Variants in CTNNA3 observed in about 807,000 individuals in gnomAD.
CTNNA3 encodes the protein catenin alpha-3.
In CTNNA3, 76 loss-of-function variants were observed where a neutral mutation model predicts 95.7. The ratio of observed to expected loss-of-function variants is 0.79; its 90% confidence interval spans 0.66 to 0.96. The LOEUF (loss-of-function observed/expected upper bound fraction) is 0.96. CTNNA3 is among the 40% of genes least tolerant of loss of function. CTNNA3 has a pLI of 0.00. For synonymous variants in CTNNA3, 431 were observed against 374.4 expected, an observed-to-expected ratio of 1.15 and a Z score of -1.74; for missense variants, 1,191 against 1,089.8, an observed-to-expected ratio of 1.09 and a Z score of -1.31.
intron 7 of CTNNA3, among the ~76,000 whole-genome samples, chr10:67,170,810 A>G (rs1861987159): frequency 6.6e-6 from 1 of 152,190 alleles, no homozygotes; most frequent in Non-Finnish European, 1.5e-5. Flanking sequence ...GGAGAAGGCA[A>G]TTCTGCATAG....
intron 5 of CTNNA3, among the ~76,000 whole-genome samples, chr10:67,461,989 T>C (rs1424256993): frequency 3.3e-5 from 5 of 152,232 alleles, no homozygotes; most frequent in African/African-American, 1.2e-4. Context: ...GCTACTTATG[T>C]TTGCATTAGC....
intron 17 of CTNNA3, among the ~76,000 whole-genome samples, chr10:65,952,029 CAAAAAAA>C (rs55842958): frequency 4.0e-5 from 4 of 99,738 alleles, no homozygotes; most frequent in Non-Finnish European, 8.0e-5. Flanking sequence ...GGCTCCGCCT[CAAAAAAA>C]AAAAAAAAAA....
intron 7 of CTNNA3, among the ~76,000 whole-genome samples, chr10:66,823,399 T>A (rs1057198152): frequency 7.2e-5 from 11 of 152,162 alleles, no homozygotes; most frequent in African/African-American, 1.2e-4. Flanking sequence ...TAAAAAAAAA[T>A]TTCTTAAACA....
intron 13 of CTNNA3, among the ~76,000 whole-genome samples, chr10:66,166,018 G>C (rs577414737): frequency 1.3e-5 from 2 of 151,728 alleles, no homozygotes; most frequent in Non-Finnish European, 2.9e-5. Context: ...CATCCTCTTC[G>C]GCCTCCCAAA....
At chr10:66,464,779 C>A (rs865977175) in intron 11 of CTNNA3, among the ~76,000 whole-genome samples, 1,731 of 146,488 alleles carry the variant, frequency 0.012, 38 homozygotes, top group African/African-American at 0.042. Flanking sequence ...AAAAAAAAAA[C>A]AAAAACACCT....
At position 66,421,897 on chromosome 10, in the gene CTNNA3, G is replaced by GATATATATATATATATAT. The variant is rs35513829; in HGVS notation, c.1532-42563_1532-42546dup. Among the ~76,000 whole-genome samples, 361 of 108,054 alleles carry GATATATATATATATATAT rather than the reference G, an allele frequency of 3.3e-3. 6 individuals carry two copies. Among genetic ancestry groups the GATATATATATATATATAT allele is most frequent in the African/African-American group, 0.012 (335 of 28,608 alleles). The allele number at this position is 108,054 out of a possible 152,430, so 70.9% of individuals were successfully genotyped here. On this transcript the variant is annotated intron_variant, in intron 11 of 17. Transcript: ENST00000433211. ...TTTCTAAGAGCTTCATAATAAATGT[G>GATATATATATATATATAT]ATATATATATATATATATACACACA... is the stretch of plus-strand genomic sequence containing the variant.
intron 11 of CTNNA3, among the ~76,000 whole-genome samples, chr10:66,499,989 GAT>G (rs912947352): frequency 2.6e-5 from 4 of 151,910 alleles, no homozygotes; most frequent in African/African-American, 7.3e-5. Flanking sequence ...TTTTAGTAGA[GAT>G]GGGGTTTCAC....
At chr10:66,372,339 G>T (rs1441354712) in intron 12 of CTNNA3, among the ~76,000 whole-genome samples, 3 of 152,144 alleles carry the variant, frequency 2.0e-5, no homozygotes, top group Admixed American at 6.6e-5. Flanking sequence ...AATGAAAGAT[G>T]TGACCTCTTT....
At chr10:66,618,105 A>G (rs2132305879) in intron 10 of CTNNA3, among the ~76,000 whole-genome samples, 1 of 152,316 alleles carries the variant, frequency 6.6e-6, no homozygotes, top group South Asian at 2.1e-4. Flanking sequence ...ATGGATAGGA[A>G]GAATCAATAT....
chr10:66,607,009 T>C (rs1564564731), intron 10 of CTNNA3, among the ~76,000 whole-genome samples: 1 of 151,588 alleles, frequency 6.6e-6, no homozygotes, highest in Non-Finnish European at 1.5e-5. Context: ...TTTGAAAAAA[T>C]TAATAAGTTA....
chr10:67,191,596 T>C (rs1169300968), intron 6 of CTNNA3, among the ~76,000 whole-genome samples: 1 of 151,842 alleles, frequency 6.6e-6, no homozygotes, highest in African/African-American at 2.4e-5. Context: ...ATGAAAAAAA[T>C]TGAAGACACA....
intron 11 of CTNNA3, among the ~76,000 whole-genome samples, chr10:66,519,068 A>C (rs1006657044): frequency 6.6e-6 from 1 of 152,120 alleles, no homozygotes; most frequent in African/African-American, 2.4e-5. Flanking sequence ...GCATTTTATA[A>C]GAAAGAATAT....
chr10:66,085,661 T>C (rs1346935216), intron 14 of CTNNA3, among the ~76,000 whole-genome samples: 1 of 152,196 alleles, frequency 6.6e-6, no homozygotes, highest in Non-Finnish European at 1.5e-5. Flanking sequence ...ATCTAAGTTT[T>C]AAGTGCTAAA....
intron 17 of CTNNA3, among the ~76,000 whole-genome samples, chr10:65,950,864 A>G (rs2077598308): frequency 1.3e-5 from 2 of 151,818 alleles, no homozygotes; most frequent in Admixed American, 6.6e-5. Flanking sequence ...TCCCCCCTTC[A>G]TTTCTTTCCT....
chr10:66,623,665 A>G lies in CTNNA3; in HGVS notation c.1282-1881T>C, dbSNP rs538640041. Among the ~76,000 whole-genome samples the G allele has an allele frequency of 7.9e-5, 12 of 152,220 alleles. No homozygotes were observed. The East Asian group carries it at 2.3e-3, about 29-fold the overall frequency. On this transcript the variant is annotated intron_variant, in intron 9 of 17. Coordinates refer to ENST00000433211, the MANE Select transcript of CTNNA3 (RefSeq NM_013266.4). ...GTCTTCATGTATTCTATGCCTGCAC[A>G]TACTTGAACTTCTCCTTACCAGAAC...
chr10:67,440,796 T>C (rs1409951598), intron 5 of CTNNA3, among the ~76,000 whole-genome samples: 1 of 151,768 alleles, frequency 6.6e-6, no homozygotes, highest in Non-Finnish European at 1.5e-5. Flanking sequence ...CCCAAATCCC[T>C]TCAAATACCT....
At chr10:66,417,782 G>A (rs777565061) in intron 11 of CTNNA3, among the ~76,000 whole-genome samples, 1 of 151,758 alleles carries the variant, frequency 6.6e-6, no homozygotes, top group African/African-American at 2.4e-5. Context: ...AACAACCATT[G>A]TGTCAATGAA....
chr10:65,921,233 A>C (rs1035273116), intron 17 of CTNNA3, among the ~76,000 whole-genome samples: 1 of 152,218 alleles, frequency 6.6e-6, no homozygotes, highest in African/African-American at 2.4e-5. Flanking sequence ...AGCAACAATA[A>C]AATACATTTT....
chr10:66,263,982 T>G (rs1223016204), intron 13 of CTNNA3, among the ~76,000 whole-genome samples: 3 of 151,900 alleles, frequency 2.0e-5, no homozygotes, highest in Admixed American at 1.3e-4. Context: ...CTTTGTTAGC[T>G]CCTCCTCTTC....
Sources: gnomAD v4.1 joint callset for allele counts (sites outside exome capture counted in the v4.1 genomes callset) on GRCh38, gnomAD v4.1.1 for gene constraint, MANE v1.5 for transcripts, NCBI Gene and HGNC (gene_info 2026-07-23, HGNC 2026-07-21) for gene names.